The following NAV1 variants were observed in gnomAD, a reference collection of about 807,000 sequenced individuals.
NAV1 encodes the protein pore membrane and/or filament interacting like protein 3.
Under a neutral mutation model 175.2 loss-of-function variants are expected in NAV1, and 18 were observed. The ratio of observed to expected loss-of-function variants is 0.10; its 90% CI spans 0.07 to 0.15. NAV1 has a LOEUF of 0.15. Among genes scored for constraint, NAV1 ranks in the 10% least tolerant of loss-of-function variants. NAV1 has a pLI of 1.00. For synonymous variants in NAV1, 897 were observed against 978.7 expected, an observed-to-expected ratio of 0.92 and a Z score of 1.56; for missense variants, 1,731 against 2,436.6, an observed-to-expected ratio of 0.71 and a Z score of 6.10.
At chr1:201,735,414 G>A (rs1673075226) in intron 3 of NAV1, among the ~76,000 whole-genome samples, 2 of 152,228 alleles carry the variant, frequency 1.3e-5, no homozygotes, top group Admixed American at 6.5e-5. Flanking sequence ...GTCTGATCCA[G>A]GGTACCTGGC....
chr1:201,664,635 C>G (rs2142496), intron 1 of NAV1, among the ~76,000 whole-genome samples: 48,502 of 152,054 alleles, frequency 0.32, 8,126 homozygotes, highest in Admixed American at 0.42. Flanking sequence ...CTGCCCTTGG[C>G]AGCTCCCTGT....
chr1:201,817,693 T>C (rs1037823328), intron 29 of NAV1, among the ~76,000 whole-genome samples: 1 of 152,088 alleles, frequency 6.6e-6, no homozygotes, highest in African/African-American at 2.4e-5. Flanking sequence ...AAGTCTCAGG[T>C]AGATCTCATG....
chr1:201,701,211 A>G (rs1272476835), intron 1 of NAV1, among the ~76,000 whole-genome samples: 12 of 142,930 alleles, frequency 8.4e-5, no homozygotes, highest in South Asian at 2.4e-4. Context: ...GAATTGAACA[A>G]TGAGAACACT....
At position 201,816,079 on chromosome 1, in the gene NAV1, T is replaced by C. The variant is rs1246892863; in HGVS notation, c.5341-1009T>C. 3.3e-5 allele frequency among the ~76,000 whole-genome samples: 5 copies of C among 151,540 alleles called. No homozygotes were observed. The East Asian group carries it at 9.8e-4, about 30-fold the overall frequency. The stretch of plus-strand genomic sequence containing the variant: ...TGTTCTCACCACACACACAGAAATA[T>C]GTGAGGTAAAGTCAGGTGCAGTGGC... On this transcript the variant is annotated intron_variant, in intron 28 of 29. Coordinates refer to ENST00000367296, the Ensembl canonical transcript of NAV1.
chr1:201,631,635 C>A (rs191861488), intron 2 of NAV1, among the ~76,000 whole-genome samples: 5 of 152,372 alleles, frequency 3.3e-5, no homozygotes, highest in Admixed American at 3.3e-4. Flanking sequence ...GTTGACAAGG[C>A]AGCCAGTCAG....
intron 1 of NAV1, among the ~76,000 whole-genome samples, chr1:201,551,243 T>TC (rs1361650673): frequency 7.2e-5 from 11 of 152,128 alleles, no homozygotes; most frequent in Admixed American, 7.2e-4. Context: ...CTTTTTTTTT[T>TC]CTTGAGAAAG....
chr1:201,602,372 C>T (rs1231268378), intron 2 of NAV1, among the ~76,000 whole-genome samples: 1 of 152,114 alleles, frequency 6.6e-6, no homozygotes, highest in Admixed American at 6.6e-5. Flanking sequence ...GATGGAGTCT[C>T]GTTCTGTCAC....
intron 1 of NAV1, among the ~76,000 whole-genome samples, chr1:201,710,161 TA>T (rs33912942): frequency 0.5 from 72,678 of 146,478 alleles, 17,970 homozygotes; most frequent in South Asian, 0.63. Flanking sequence ...CATTTTTCCT[TA>T]AAAAAAAAAA....
At chr1:201,730,465 C>G (rs190546964) in intron 3 of NAV1, among the ~76,000 whole-genome samples, 6 of 152,256 alleles carry the variant, frequency 3.9e-5, no homozygotes, top group Non-Finnish European at 7.4e-5. Flanking sequence ...CCCTTGTGTC[C>G]CTGAAGCCTG....
intron 1 of NAV1, among the ~76,000 whole-genome samples, chr1:201,655,421 G>A (rs953568957): frequency 6.6e-6 from 1 of 152,238 alleles, no homozygotes; most frequent in African/African-American, 2.4e-5. Context: ...AGAGCCTGCG[G>A]CCTTTTCTCT....
At chr1:201,722,972 G>A (rs369380855) in intron 3 of NAV1, among the ~76,000 whole-genome samples, 2 of 152,314 alleles carry the variant, frequency 1.3e-5, no homozygotes, top group Non-Finnish European at 2.9e-5. Flanking sequence ...ACTAGCTGGC[G>A]TGGTGGTGCG....
intron 3 of NAV1, among the ~76,000 whole-genome samples, chr1:201,737,686 C>T (rs899939033): frequency 2.3e-4 from 35 of 152,300 alleles, no homozygotes; most frequent in African/African-American, 7.9e-4. Flanking sequence ...TCCAAGTAAA[C>T]CCCTGTGCCT....
intron 1 of NAV1, among the ~76,000 whole-genome samples, chr1:201,655,053 TCTTC>T (rs1003669907): frequency 7.9e-5 from 12 of 152,282 alleles, no homozygotes; most frequent in African/African-American, 2.9e-4. Flanking sequence ...TGCTTTTGCC[TCTTC>T]CTTCCATTTT....
chr1:201,708,051 A>G (rs1558085331), intron 1 of NAV1, among the ~76,000 whole-genome samples: 1 of 151,980 alleles, frequency 6.6e-6, no homozygotes, highest in Non-Finnish European at 1.5e-5. Flanking sequence ...GTGTGCATGC[A>G]CCTGTCTGTC....
intron 1 of NAV1, among the ~76,000 whole-genome samples, chr1:201,705,326 T>G (rs1671624219): frequency 6.6e-6 from 1 of 152,212 alleles, no homozygotes; most frequent in Non-Finnish European, 1.5e-5. Context: ...GGCCCCAGAT[T>G]TGCTTCTATT....
rs114764593 is a variant in NAV1 at position 201,655,833 on chromosome 1, A to G, written c.757+6408A>G. ...CCCGCTTTTCACCATGGTGCTTTGC[A>G]CCTTCTATAAGCACCTTTTTTTTTT... On this transcript the variant is annotated intron_variant, in intron 1 of 29. Transcript: ENST00000367296. Among the ~76,000 whole-genome samples, 1,064 of 151,018 alleles carry G rather than the reference A, an allele frequency of 7.0e-3. 16 individuals carry two copies. The highest frequency in any genetic ancestry group is 0.025 in the African/African-American group (1,014 of 41,224).
At position 201,788,814 on chromosome 1, in the gene NAV1, C is replaced by T. The variant is rs991987691; in HGVS notation, c.3166+176C>T. Among the ~76,000 whole-genome samples, 3 of 152,136 alleles carry T rather than the reference C, an allele frequency of 2.0e-5. No individual in the cohort carries two copies. The highest frequency in any genetic ancestry group is 2.9e-5 in the Non-Finnish European group (2 of 68,024). On this transcript the variant is annotated intron_variant, in intron 10 of 29. Coordinates refer to ENST00000367296, the Ensembl canonical transcript of NAV1. The surrounding 1 kb of genome is among the most constrained non-coding windows in gnomAD (Gnocchi z 5.7). ...TTTGAAGGGTCTGGGGACCCAGAAA[C>T]CTTGGGTGGCACATCTAGCACTGGG...
At position 201,656,084 on chromosome 1, in the gene NAV1, C is replaced by G. The variant is rs116677023; in HGVS notation, c.757+6659C>G. On this transcript the variant is annotated intron_variant, in intron 1 of 29. Coordinates refer to ENST00000367296, the Ensembl canonical transcript of NAV1. ...TCCCTGCCAGCGCTGTTGTATGTTG[C>G]GTGTTTGACACACACTTCTCCAACT... Among the ~76,000 whole-genome samples the G allele has an allele frequency of 3.9e-5, 6 of 152,328 alleles. No homozygotes were observed. The East Asian group carries it at 9.6e-4, about 24-fold the overall frequency.
At chr1:201,602,109 C>A (rs1412181331) in intron 2 of NAV1, among the ~76,000 whole-genome samples, 2 of 152,142 alleles carry the variant, frequency 1.3e-5, no homozygotes, top group African/African-American at 4.8e-5. Flanking sequence ...AAAAAAAACA[C>A]CAATCCAATT....
Sources: gnomAD v4.1 joint callset for allele counts (sites outside exome capture counted in the v4.1 genomes callset) on GRCh38, gnomAD v4.1.1 for gene constraint, Gnocchi (gnomAD v3.1) non-coding constraint, MANE v1.5 for transcripts, NCBI Gene and HGNC (gene_info 2026-07-23, HGNC 2026-07-21) for gene names.